MLH3: variants seen among roughly 807,000 people sequenced by gnomAD.
MLH3 encodes the protein mutL homolog 3.
In MLH3, 82 loss-of-function variants were observed where a neutral mutation model predicts 122.2. The observed-to-expected ratio is 0.67, with a 90% CI of 0.56 to 0.81. The LOEUF (loss-of-function observed/expected upper bound fraction) is 0.81, where lower values mean the gene tolerates loss of function less well. Ranked by LOEUF, MLH3 falls within the 30% of genes least tolerant of loss-of-function variation. The pLI is 0.00. For missense variants in MLH3, 1,539 were observed against 1,714.5 expected, an observed-to-expected ratio of 0.90 and a Z score of 1.81; for synonymous variants, 524 against 599.5, an observed-to-expected ratio of 0.87 and a Z score of 1.84.
At chr14:75,032,264 T>C (rs1891101861) in intron 7 of MLH3, 85 bp from the exon 8 acceptor site, 1 of 832,184 alleles carries the variant, frequency 1.2e-6, no homozygotes, top group Non-Finnish European at 2.1e-6. Flanking sequence ...CTTGAGATAA[T>C]CATTCTAATG....
intron 7 of MLH3, 131 bp downstream of exon 7, chr14:75,033,288 C>A: frequency 1.3e-6 from 1 of 754,334 alleles, no homozygotes; most frequent in Middle Eastern, 2.3e-4. Flanking sequence ...AACTGCAGGA[C>A]TTTAGTTTAA....
intron 3 of MLH3, 27 bp downstream of exon 3, chr14:75,042,352 T>C: frequency 6.3e-7 from 1 of 1,585,928 alleles, no homozygotes; most frequent in Non-Finnish European, 8.7e-7. Context: ...GTGTACTGTG[T>C]GCCCCAGCAC....
Position 75,015,082 on chromosome 14 carries a change from A to G in MLH3, c.*2000T>C. On this transcript the variant is annotated 3_prime_UTR_variant, in exon 13 of 13. Transcript: ENST00000355774. ...AAGTATGAGAAAAATTATTTTGTAA[A>G]CCTTAAAGCACAATATAGGTATTAA... is the stretch of plus-strand genomic sequence containing the variant. The G allele has an allele frequency of 5.7e-6, 1 of 175,786 alleles. No homozygotes were observed. Among genetic ancestry groups the G allele is most frequent in the East Asian group, 9.7e-5 (1 of 10,262 alleles). 10.9% of individuals were successfully genotyped at this position (175,786 alleles called of 1,614,324 possible). A position where few individuals can be genotyped will look rare whatever the true frequency, so the allele number is the denominator to read the frequency against.
At chr14:75,035,062 C>CAA (rs36096670) in intron 6 of MLH3, among the ~76,000 whole-genome samples, 20,135 of 40,040 alleles carry the variant, frequency 0.5, 5,162 homozygotes, top group East Asian at 0.76. Flanking sequence ...GACTCCATCT[C>CAA]AAAAAAAAAA....
At chr14:75,050,647 G>T (rs539030689) in intron 1 of MLH3, among the ~76,000 whole-genome samples, 1 of 152,122 alleles carries the variant, frequency 6.6e-6, no homozygotes, top group Non-Finnish European at 1.5e-5. Context: ...TGATCCTCCC[G>T]CCTTGGCCTC....
At chr14:75,050,472 T>C (rs2139621508) in intron 1 of MLH3, among the ~76,000 whole-genome samples, 1 of 152,314 alleles carries the variant, frequency 6.6e-6, no homozygotes, top group South Asian at 2.1e-4. Context: ...CAATCTCGGC[T>C]CACTGCAGCC....
intron 9 of MLH3, among the ~76,000 whole-genome samples, chr14:75,025,729 T>C (rs930123559): frequency 1.6e-4 from 25 of 152,212 alleles, no homozygotes; most frequent in African/African-American, 5.8e-4. Context: ...ATTTTCCAAG[T>C]ACCAGATCTT....
chr14:75,048,475 C>CTAAATAAAATATTATTACTAAAATAAA lies in MLH3; in HGVS notation c.1180_1181insTTTATTTTAGTAATAATATTTTATTTA (p.Cys394delinsPheTyrPheSerAsnAsnIleLeuPheSer). 1 of 1,612,774 alleles carries CTAAATAAAATATTATTACTAAAATAAA rather than the reference C, an allele frequency of 6.2e-7. No homozygotes were observed. Among genetic ancestry groups the CTAAATAAAATATTATTACTAAAATAAA allele is most frequent in the Non-Finnish European group, 8.5e-7 (1 of 1,179,704 alleles). ...CTCATAGGAATCTAAAATATTATTA[C>CTAAATAAAATATTATTACTAAAATAAA]ATGCTTCCTGGAAATTGCTCCTCTC... On this transcript the variant is annotated protein_altering_variant, in exon 2 of 13. Coordinates refer to ENST00000355774, the MANE Select transcript of MLH3 (RefSeq NM_001040108.2).
chr14:75,030,167 C>G (rs1890948048), intron 9 of MLH3, among the ~76,000 whole-genome samples: 1 of 152,090 alleles, frequency 6.6e-6, no homozygotes, highest in Admixed American at 6.6e-5. Context: ...AAAGTAAAAA[C>G]TTTTCTTAAG....
rs886527286 is a variant in MLH3 at position 75,013,798 on chromosome 14, T to C, written c.*3284A>G. The C allele has an allele frequency of 4.5e-6, 1 of 223,736 alleles. No homozygotes were observed. Among genetic ancestry groups the C allele is most frequent in the African/African-American group, 2.2e-5 (1 of 44,816 alleles). 13.9% of individuals were successfully genotyped at this position (223,736 alleles called of 1,614,324 possible). A position where few individuals can be genotyped will look rare whatever the true frequency, so the allele number is the denominator to read the frequency against. Reference sequence around the variant, plus strand: ...AGGAAGGAAGGAAGGGTTTATTTGATGCAGATTCTTCAGCATTTTGTTTTC... The same window carrying C: ...AGGAAGGAAGGAAGGGTTTATTTGACGCAGATTCTTCAGCATTTTGTTTTC... On this transcript the variant is annotated 3_prime_UTR_variant, in exon 13 of 13. Transcript: ENST00000355774.
At chr14:75,032,430 C>T (rs1480694470) in intron 7 of MLH3, among the ~76,000 whole-genome samples, 2 of 152,078 alleles carry the variant, frequency 1.3e-5, no homozygotes, top group African/African-American at 2.4e-5. Context: ...GCCAATGTTC[C>T]TGTAGTTAAT....
intron 4 of MLH3, 39 bp from the exon 5 acceptor site, chr14:75,040,054 T>C: frequency 9.2e-7 from 1 of 1,091,212 alleles, no homozygotes; most frequent in African/African-American, 1.6e-5. Flanking sequence ...AATTTTAATT[T>C]TTGTGTCAGA....
At chr14:75,023,909 G>A (rs1197475982) in intron 9 of MLH3, among the ~76,000 whole-genome samples, 1 of 152,192 alleles carries the variant, frequency 6.6e-6, no homozygotes, top group Non-Finnish European at 1.5e-5. Flanking sequence ...AATGGGCACA[G>A]TTATCAAGAG....
rs563374988 is a variant in MLH3 at position 75,013,900 on chromosome 14, G to A, written c.*3182C>T. 26 of 210,098 alleles carry A rather than the reference G, an allele frequency of 1.2e-4. No homozygotes were observed. Among genetic ancestry groups the A allele is most frequent in the Middle Eastern group, 3.0e-3 (2 of 670 alleles). 13.0% of individuals were successfully genotyped at this position (210,098 alleles called of 1,614,324 possible). On this transcript the variant is annotated 3_prime_UTR_variant, in exon 13 of 13. Coordinates refer to ENST00000355774, the MANE Select transcript of MLH3 (RefSeq NM_001040108.2). ...CGTTGATGAGCAGCTTCAGCTTAGA[G>A]GGTAAAGACAGGCATGATCGCGACT...
rs112121342 is a variant in MLH3, at chr14:75,018,107, T to C, written c.4242+722A>G. On this transcript the variant is annotated intron_variant, in intron 12 of 12. Transcript: ENST00000355774. ...TTGCGGTGAGCCAAGATCGCACCATTGCACTCCAGCCTGCGCAACAACAGC... is the reference window on the plus strand; with the variant it reads ...TTGCGGTGAGCCAAGATCGCACCATCGCACTCCAGCCTGCGCAACAACAGC... Among the ~76,000 whole-genome samples the C allele has an allele frequency of 4.7e-3, 713 of 151,914 alleles. 8 individuals carry two copies. The highest frequency in any genetic ancestry group is 0.016 in the African/African-American group (673 of 41,422).
chr14:75,045,507 A>G (rs1892147316), intron 2 of MLH3, among the ~76,000 whole-genome samples: 4 of 152,320 alleles, frequency 2.6e-5, no homozygotes, highest in Middle Eastern at 3.4e-3. Context: ...TTCTAGAAAG[A>G]AAAAGCTCAT....
chr14:75,047,546 A>AT lies in MLH3; in HGVS notation c.2109dup (p.Ser704IlefsTer9), dbSNP rs1210025390. The AT allele has an allele frequency of 6.2e-7, 1 of 1,613,948 alleles. No individual in the cohort carries two copies. Among genetic ancestry groups the AT allele is most frequent in the East Asian group, 2.2e-5 (1 of 44,870 alleles). ...TCAGATAATATGCAATCTGTTTGTGATTTTTTGCTACCTTCCTGAAAAGCA... is the reference window on the plus strand; with the variant it reads ...TCAGATAATATGCAATCTGTTTGTGATTTTTTTGCTACCTTCCTGAAAAGCA... On this transcript the variant is annotated frameshift_variant, in exon 2 of 13. Coordinates refer to ENST00000355774, the MANE Select transcript of MLH3 (RefSeq NM_001040108.2). LOFTEE classifies it high-confidence loss of function.
At position 75,048,896 on chromosome 14, in the gene MLH3, C is replaced by T. The variant is rs1228892736; in HGVS notation, c.760G>A (p.Val254Met). ...GTCCTTAAAACTAGTCTTTTGTTCA[C>T]AAACAAAAACTGCATATTCTTGTTG... is the stretch of plus-strand genomic sequence containing the variant. ...HYNKNMQFLFVNKRLVLRTKL... is the reference protein window; with the variant it reads ...HYNKNMQFLFMNKRLVLRTKL... Residue 254 changes from valine (V) to methionine (M), a missense_variant, in exon 2 of 13, where the codon GTG becomes ATG. Coordinates refer to ENST00000355774, the MANE Select transcript of MLH3 (RefSeq NM_001040108.2). 4 of 1,613,462 alleles carry T rather than the reference C, an allele frequency of 2.5e-6. No individual in the cohort carries two copies. The highest frequency in any genetic ancestry group is 3.4e-6 in the Non-Finnish European group (4 of 1,179,758).
In MLH3 at chr14:75,041,658, A is replaced by G. The variant is rs1473993875; in HGVS notation, c.3422T>C (p.Leu1141Ser). 2 of 1,614,160 alleles carry G rather than the reference A, an allele frequency of 1.2e-6. No individual in the cohort carries two copies. The highest frequency in any genetic ancestry group is 2.2e-5 in the South Asian group (2 of 91,082). Residue 1141 changes from leucine (L) to serine (S), a missense_variant, in exon 4 of 13, where the codon TTG becomes TCG. Transcript: ENST00000355774. ...DTVSSESLQSLFSEWDNPVFA... is the reference protein window; with the variant it reads ...DTVSSESLQSSFSEWDNPVFA... ...TACTGGATTGTCCCATTCTGAGAAC[A>G]AAGACTGAAGCGATTCGCTACTAAC... is the stretch of plus-strand genomic sequence containing the variant.
Sources: allele counts gnomAD v4.1 joint callset (sites outside exome capture counted in the v4.1 genomes callset), GRCh38; gene constraint gnomAD v4.1.1; transcripts MANE v1.5; gene names NCBI Gene and HGNC (gene_info 2026-07-23, HGNC 2026-07-21).